Variants in LTBP1 observed in about 807,000 individuals in gnomAD.
LTBP1 encodes the protein latent transforming growth factor beta binding protein 1.
In LTBP1, 129 loss-of-function variants were observed where a neutral mutation model predicts 207.6. The observed-to-expected ratio is 0.62, with a 90% CI of 0.54 to 0.72. The LOEUF (loss-of-function observed/expected upper bound fraction) is 0.72. Ranked by LOEUF, LTBP1 falls within the 30% of genes least tolerant of loss-of-function variation. The pLI, the probability that LTBP1 is intolerant of heterozygous loss-of-function variation, is 0.00. For missense variants in LTBP1, 2,281 were observed against 2,217.2 expected, an observed-to-expected ratio of 1.03 and a Z score of -0.58; for synonymous variants, 963 against 833.7, an observed-to-expected ratio of 1.16 and a Z score of -2.67.
intron 5 of LTBP1, among the ~76,000 whole-genome samples, chr2:33,160,279 T>C (rs983247208): frequency 4.6e-5 from 7 of 152,222 alleles, no homozygotes; most frequent in Non-Finnish European, 8.8e-5. Context: ...GAAAATTTAT[T>C]AGGGGCTTGA....
chr2:33,147,708 C>T (rs1370206521), intron 5 of LTBP1, among the ~76,000 whole-genome samples: 1 of 152,206 alleles, frequency 6.6e-6, no homozygotes, highest in African/African-American at 2.4e-5. Flanking sequence ...ATGGCTTAAG[C>T]CTGTGGAAAA....
At chr2:33,327,808 C>CT (rs961791475) in intron 24 of LTBP1, among the ~76,000 whole-genome samples, 34 of 150,958 alleles carry the variant, frequency 2.3e-4, no homozygotes, top group African/African-American at 6.1e-4. Flanking sequence ...TGGATTATCT[C>CT]TTTTTTTTTC....
rs148685914 is a variant in LTBP1 at position 33,200,286 on chromosome 2, C to G, written c.1701+11435C>G. Reference sequence around the variant, plus strand: ...CTGGTACCAAAACAGAGATATAAATCAATGCAACAGAACAGAGCCCTCAGA... The same window carrying G: ...CTGGTACCAAAACAGAGATATAAATGAATGCAACAGAACAGAGCCCTCAGA... On this transcript the variant is annotated intron_variant, in intron 7 of 33. Coordinates refer to ENST00000404816, the MANE Select transcript of LTBP1 (RefSeq NM_206943.4). Among the ~76,000 whole-genome samples the G allele has an allele frequency of 3.3e-3, 510 of 152,260 alleles. 4 individuals are homozygous for G. Among genetic ancestry groups the G allele is most frequent in the African/African-American group, 0.012 (490 of 41,548 alleles).
intron 5 of LTBP1, among the ~76,000 whole-genome samples, chr2:33,185,164 G>A (rs566369881): frequency 2.6e-5 from 4 of 152,186 alleles, no homozygotes; most frequent in Non-Finnish European, 5.9e-5. Flanking sequence ...GTTCCATGTA[G>A]CTGTATTGTA....
chr2:32,975,455 G>A (rs1681561945), intron 2 of LTBP1, among the ~76,000 whole-genome samples: 1 of 151,864 alleles, frequency 6.6e-6, no homozygotes. Context: ...TTTGTGAAGT[G>A]AATGATATCC....
chr2:33,198,590 T>C (rs2088839168), intron 7 of LTBP1, among the ~76,000 whole-genome samples: 2 of 152,264 alleles, frequency 1.3e-5, no homozygotes, highest in Non-Finnish European at 2.9e-5. Context: ...GTTATTGGTC[T>C]ATTCAGAGAT....
At chr2:33,164,049 CATTAAG>C (rs2084693513) in intron 5 of LTBP1, among the ~76,000 whole-genome samples, 1 of 151,704 alleles carries the variant, frequency 6.6e-6, no homozygotes, top group Non-Finnish European at 1.5e-5. Context: ...TTGACTTGTT[CATTAAG>C]ATTAAGAATA....
At chr2:33,148,543 A>G (rs2083241673) in intron 5 of LTBP1, among the ~76,000 whole-genome samples, 1 of 152,202 alleles carries the variant, frequency 6.6e-6, no homozygotes, top group Non-Finnish European at 1.5e-5. Flanking sequence ...GTGTGTCATC[A>G]AAACCTCATT....
chr2:33,108,957 C>T (rs771549497), intron 3 of LTBP1, among the ~76,000 whole-genome samples: 1 of 152,190 alleles, frequency 6.6e-6, no homozygotes, highest in Non-Finnish European at 1.5e-5. Context: ...GTAATTTAGT[C>T]ATTAGTCTGG....
intron 5 of LTBP1, 47 bp from the exon 6 acceptor site, chr2:33,186,809 C>A: frequency 6.8e-7 from 1 of 1,460,798 alleles, no homozygotes; most frequent in Middle Eastern, 1.7e-4. Context: ...ATTACTTAGC[C>A]TCTGAGAGAC....
intron 15 of LTBP1, among the ~76,000 whole-genome samples, chr2:33,271,037 C>T (rs1478736740): frequency 6.6e-6 from 1 of 152,208 alleles, no homozygotes; most frequent in African/African-American, 2.4e-5. Flanking sequence ...AGAAGAAACA[C>T]TTTAGCTATG....
intron 3 of LTBP1, among the ~76,000 whole-genome samples, chr2:33,097,112 A>G (rs908791784): frequency 6.6e-6 from 1 of 152,198 alleles, no homozygotes; most frequent in Non-Finnish European, 1.5e-5. Flanking sequence ...ATATTTGCCT[A>G]TAGATTCTGT....
intron 7 of LTBP1, among the ~76,000 whole-genome samples, chr2:33,211,291 A>G (rs1265108208): frequency 2.0e-5 from 3 of 152,168 alleles, no homozygotes; most frequent in Non-Finnish European, 4.4e-5. Context: ...TGCTGGTTAT[A>G]GGTTTTACCC....
chr2:33,306,179 T>G (rs1162385797), intron 22 of LTBP1, among the ~76,000 whole-genome samples: 1 of 152,226 alleles, frequency 6.6e-6, no homozygotes, highest in Non-Finnish European at 1.5e-5. Context: ...CTAATGTATA[T>G]AATTATTTAT....
At chr2:33,039,733 A>AT (rs759258475) in intron 3 of LTBP1, among the ~76,000 whole-genome samples, 36 of 151,404 alleles carry the variant, frequency 2.4e-4, no homozygotes, top group African/African-American at 3.4e-4. Flanking sequence ...GGAATTAAAC[A>AT]TTTTTTTTTA....
chr2:33,331,561 A>G (rs1168765411), intron 24 of LTBP1, among the ~76,000 whole-genome samples: 1 of 152,142 alleles, frequency 6.6e-6, no homozygotes, highest in Non-Finnish European at 1.5e-5. Flanking sequence ...TAAAACCACT[A>G]TGGCCAGAGA....
intron 19 of LTBP1, among the ~76,000 whole-genome samples, chr2:33,288,547 T>A (rs979584375): frequency 2.0e-5 from 3 of 152,102 alleles, no homozygotes; most frequent in Non-Finnish European, 4.4e-5. Context: ...ATGTTCTCAT[T>A]TCCCCGCAAA....
At chr2:33,109,465 C>T (rs938917296) in intron 3 of LTBP1, among the ~76,000 whole-genome samples, 6 of 152,188 alleles carry the variant, frequency 3.9e-5, no homozygotes, top group African/African-American at 1.4e-4. Flanking sequence ...GGTATATCTT[C>T]TTTATATTTT....
chr2:33,188,447 A>AAAAAAAATAATT, intron 6 of LTBP1, 130 bp from the exon 7 acceptor site: 4 of 668,166 alleles, frequency 6.0e-6, no homozygotes, highest in Non-Finnish European at 7.4e-6. Flanking sequence ...AAAAAAAAGA[A>AAAAAAAATAATT]TTTTGATGGC....
Sources: gnomAD v4.1 joint callset for allele counts (sites outside exome capture counted in the v4.1 genomes callset) on GRCh38, gnomAD v4.1.1 for gene constraint, MANE v1.5 for transcripts, NCBI Gene and HGNC (gene_info 2026-07-23, HGNC 2026-07-21) for gene names.